Variants in WWOX observed in about 807,000 individuals in gnomAD.
WWOX encodes the protein WW domain containing oxidoreductase, also known as WW domain-containing oxidoreductase.
WWOX carries 69 observed loss-of-function variants against 46.2 expected under a neutral mutation model. The observed-to-expected ratio is 1.49, with a 90% CI of 1.23 to 1.82. The LOEUF (loss-of-function observed/expected upper bound fraction) is 1.82, where lower values mean the gene tolerates loss of function less well. WWOX is among the 40% of genes most tolerant of loss of function. WWOX has a pLI of 0.00. For missense variants in WWOX, 919 were observed against 542.6 expected (o/e 1.69, Z -6.89); for synonymous variants, 359 against 202.6 (o/e 1.77, Z -6.56).
intron 8 of WWOX, among the ~76,000 whole-genome samples, chr16:79,144,984 T>C (rs141102705): frequency 6.6e-6 from 1 of 152,334 alleles, no homozygotes; most frequent in Admixed American, 6.5e-5. Flanking sequence ...TTTAGGCATC[T>C]ACTGGGGGTC....
chr16:78,111,746 C>T (rs1020318418), intron 3 of WWOX: 1 of 156,796 alleles, frequency 6.4e-6, no homozygotes, highest in Non-Finnish European at 1.4e-5. Context: ...ACTCCTGGTT[C>T]CTCTTTGAAG....
intron 5 of WWOX, among the ~76,000 whole-genome samples, chr16:78,378,228 A>C (rs1427399010): frequency 6.6e-6 from 1 of 152,172 alleles, no homozygotes; most frequent in Non-Finnish European, 1.5e-5. Flanking sequence ...TGTTTATTAA[A>C]AGCAAAGTGA....
intron 8 of WWOX, among the ~76,000 whole-genome samples, chr16:78,733,959 C>G (rs2049025054): frequency 6.6e-6 from 1 of 151,722 alleles, no homozygotes; most frequent in African/African-American, 2.4e-5. Context: ...AGTTGGGAGG[C>G]TGAGGCGGGA....
chr16:78,360,336 A>G (rs565935508), intron 5 of WWOX, among the ~76,000 whole-genome samples: 1 of 152,290 alleles, frequency 6.6e-6, no homozygotes, highest in African/African-American at 2.4e-5. Context: ...CTGTAATCCC[A>G]GCACTTTGGG....
At chr16:78,588,052 C>A (rs938686263) in intron 8 of WWOX, among the ~76,000 whole-genome samples, 1 of 152,178 alleles carries the variant, frequency 6.6e-6, no homozygotes, top group Non-Finnish European at 1.5e-5. Context: ...TGTATCTGCT[C>A]CCTGGGTGGT....
At chr16:78,334,657 A>G (rs1385774196) in intron 5 of WWOX, among the ~76,000 whole-genome samples, 1 of 152,174 alleles carries the variant, frequency 6.6e-6, no homozygotes, top group African/African-American at 2.4e-5. Flanking sequence ...CCAAGAATTA[A>G]TTTAAATGAC....
At chr16:78,410,805 CAAAAA>C (rs61207788) in intron 6 of WWOX, among the ~76,000 whole-genome samples, 34 of 74,970 alleles carry the variant, frequency 4.5e-4, no homozygotes, top group Non-Finnish European at 7.5e-4. Flanking sequence ...GGCCCCACCT[CAAAAA>C]AAAAAAAAAA....
intron 8 of WWOX, among the ~76,000 whole-genome samples, chr16:78,556,071 C>G (rs1457359799): frequency 6.6e-6 from 1 of 151,932 alleles, no homozygotes; most frequent in South Asian, 2.1e-4. Flanking sequence ...TCCATTATTT[C>G]CTGAAGATTC....
At chr16:78,504,532 T>C (rs1371849995) in intron 8 of WWOX, among the ~76,000 whole-genome samples, 1 of 152,230 alleles carries the variant, frequency 6.6e-6, no homozygotes, top group African/African-American at 2.4e-5. Context: ...CATTGCTATT[T>C]TGTTATGTAA....
chr16:78,500,839 G>T (rs533793123), intron 8 of WWOX, among the ~76,000 whole-genome samples: 1 of 152,168 alleles, frequency 6.6e-6, no homozygotes, highest in African/African-American at 2.4e-5. Context: ...GTACAACAGC[G>T]CCTGTGCTGG....
chr16:78,849,297 G>A (rs374852446), intron 8 of WWOX, among the ~76,000 whole-genome samples: 3 of 152,104 alleles, frequency 2.0e-5, no homozygotes, highest in Non-Finnish European at 4.4e-5. Flanking sequence ...CAGGCCGGGC[G>A]CGGTGGCTCA....
intron 8 of WWOX, among the ~76,000 whole-genome samples, chr16:78,877,136 C>T (rs1292155679): frequency 6.6e-6 from 1 of 152,162 alleles, no homozygotes; most frequent in East Asian, 1.9e-4. Flanking sequence ...ATTCCTTCAT[C>T]TGTTAATTTA....
chr16:78,682,549 C>G (rs370413003), intron 8 of WWOX, among the ~76,000 whole-genome samples: 1 of 152,122 alleles, frequency 6.6e-6, no homozygotes, highest in African/African-American at 2.4e-5. Context: ...TGCCATGGCA[C>G]TCCAGCCTGG....
In WWOX at chr16:79,057,200, G is replaced by A. The variant is rs148708450; in HGVS notation, c.1057-154408G>A. ...TGGCGTTATAGTTCTCCTTTTAATG[G>A]TTGAGACAAGAATTGCCTGGACCTC... On this transcript the variant is annotated intron_variant, in intron 8 of 8. Transcript: ENST00000566780. Among the ~76,000 whole-genome samples, 71 of 152,234 alleles carry A rather than the reference G, an allele frequency of 4.7e-4. 1 individual carries two copies. The highest frequency in any genetic ancestry group is 1.7e-3 in the African/African-American group (71 of 41,542).
At position 78,467,690 on chromosome 16, in the gene WWOX, T is replaced by C. The variant is rs115812306; in HGVS notation, c.1056+34938T>C. On this transcript the variant is annotated intron_variant, in intron 8 of 8. Coordinates refer to ENST00000566780, the MANE Select transcript of WWOX (RefSeq NM_016373.4). ...GAGATAAAGCTTTGCTTAATTAATG[T>C]CTGTTTTCCCTCTGTTCAGAAGTAT... Among the ~76,000 whole-genome samples, 969 of 152,336 alleles carry C rather than the reference T, an allele frequency of 6.4e-3. 15 individuals are homozygous for C. Among genetic ancestry groups the C allele is most frequent in the African/African-American group, 0.022 (930 of 41,580 alleles).
intron 8 of WWOX, among the ~76,000 whole-genome samples, chr16:79,027,864 C>G (rs192618141): frequency 6.6e-6 from 1 of 151,888 alleles, no homozygotes; most frequent in East Asian, 1.9e-4. Context: ...AGAAACAGCA[C>G]GTGTCTTAGG....
chr16:78,701,170 C>G (rs1214613461), intron 8 of WWOX, among the ~76,000 whole-genome samples: 2 of 152,126 alleles, frequency 1.3e-5, no homozygotes, highest in African/African-American at 4.8e-5. Context: ...ATAACAGGAC[C>G]TGGCATGCAG....
rs145771024 is a variant in WWOX at position 79,126,670 on chromosome 16, A to G, written c.1057-84938A>G. On this transcript the variant is annotated intron_variant, in intron 8 of 8. Coordinates refer to ENST00000566780, the MANE Select transcript of WWOX (RefSeq NM_016373.4). Reference sequence around the variant, plus strand: ...TATTTCTGTGTAGCAGTGTAAGAACAGACTAATACAGCAAGGGAGCAGTGA... The same window carrying G: ...TATTTCTGTGTAGCAGTGTAAGAACGGACTAATACAGCAAGGGAGCAGTGA... Among the ~76,000 whole-genome samples, 815 of 152,334 alleles carry G rather than the reference A, an allele frequency of 5.4e-3. 11 individuals carry two copies. Among genetic ancestry groups the G allele is most frequent in the African/African-American group, 0.019 (777 of 41,574 alleles).
intron 8 of WWOX, among the ~76,000 whole-genome samples, chr16:78,664,862 G>C (rs549802631): frequency 1.3e-5 from 2 of 152,198 alleles, no homozygotes; most frequent in African/African-American, 4.8e-5. Context: ...GTGTGCATGT[G>C]CGTAAAACGG....
Sources: allele counts gnomAD v4.1 joint callset (sites outside exome capture counted in the v4.1 genomes callset), GRCh38; gene constraint gnomAD v4.1.1; transcripts MANE v1.5; gene names NCBI Gene and HGNC (gene_info 2026-07-23, HGNC 2026-07-21).